The following THADA variants were observed in gnomAD, a reference collection of about 807,000 sequenced individuals.
The protein encoded by THADA is THADA armadillo repeat containing.
A neutral mutation model predicts 219.8 loss-of-function variants in THADA; 213 were observed. That is an observed-to-expected ratio of 0.97 (90% CI 0.87 to 1.09). The LOEUF (loss-of-function observed/expected upper bound fraction) is 1.09, where lower values mean the gene tolerates loss of function less well. Among genes scored for constraint, THADA ranks in the 50% least tolerant of loss-of-function variants. The probability of loss-of-function intolerance (pLI) is 0.00; values close to 1 mark genes in which losing one functional copy is unlikely to be tolerated. For synonymous variants in THADA, 1,018 were observed against 828.9 expected (o/e 1.23, Z -3.92); for missense variants, 2,956 against 2,311.3 (o/e 1.28, Z -5.72).
At chr2:43,569,394 C>G (rs781439600) in intron 14 of THADA, among the ~76,000 whole-genome samples, 1 of 152,148 alleles carries the variant, frequency 6.6e-6, no homozygotes, top group Non-Finnish European at 1.5e-5. Flanking sequence ...TCATTTAATC[C>G]TCAAATCAAT....
At chr2:43,463,410 G>A (rs761100722) in intron 26 of THADA, among the ~76,000 whole-genome samples, 1 of 152,118 alleles carries the variant, frequency 6.6e-6, no homozygotes, top group African/African-American at 2.4e-5. Flanking sequence ...TTCAACTACC[G>A]TATTTATATA....
intron 29 of THADA, among the ~76,000 whole-genome samples, chr2:43,378,701 G>T (rs899599500): frequency 1.3e-5 from 2 of 152,162 alleles, no homozygotes; most frequent in African/African-American, 4.8e-5. Context: ...CACTTCCAGG[G>T]TTCAAGCGAT....
At chr2:43,243,367 T>A (rs967580191) in intron 36 of THADA, among the ~76,000 whole-genome samples, 11 of 152,186 alleles carry the variant, frequency 7.2e-5, no homozygotes, top group African/African-American at 2.7e-4. Flanking sequence ...GGGCTAGAGA[T>A]GCTACTCAAC....
chr2:43,475,885 C>T (rs1685473132), intron 26 of THADA, among the ~76,000 whole-genome samples: 1 of 152,308 alleles, frequency 6.6e-6, no homozygotes, highest in East Asian at 1.9e-4. Context: ...CATACATAGT[C>T]TTAAGTCACT....
At chr2:43,261,474 C>T (rs1274291895) in intron 36 of THADA, among the ~76,000 whole-genome samples, 2 of 150,860 alleles carry the variant, frequency 1.3e-5, no homozygotes, top group Non-Finnish European at 3.0e-5. Flanking sequence ...CTTGCTCTGT[C>T]GCCCAGGCTG....
chr2:43,253,867 T>C (rs148496117), intron 36 of THADA, among the ~76,000 whole-genome samples: 1 of 152,304 alleles, frequency 6.6e-6, no homozygotes, highest in East Asian at 1.9e-4. Context: ...ATGTAAATGA[T>C]ATCCAGGTTC....
intron 20 of THADA, among the ~76,000 whole-genome samples, chr2:43,542,489 TG>T (rs1695455147): frequency 6.6e-6 from 1 of 152,204 alleles, no homozygotes; most frequent in African/African-American, 2.4e-5. Context: ...ATGTAGAATA[TG>T]TAATACATCA....
At chr2:43,539,074 G>A (rs1694969063) in intron 21 of THADA, among the ~76,000 whole-genome samples, 1 of 152,226 alleles carries the variant, frequency 6.6e-6, no homozygotes, top group African/African-American at 2.4e-5. Context: ...TGAGAGAAAA[G>A]TAGATCACAG....
chr2:43,569,141 G>C (rs1699018061), intron 14 of THADA, among the ~76,000 whole-genome samples: 2 of 151,844 alleles, frequency 1.3e-5, no homozygotes, highest in South Asian at 4.2e-4. Flanking sequence ...CCGTCTCAGG[G>C]TTGCCTTTTT....
chr2:43,272,885 G>A (rs537028016), intron 36 of THADA, among the ~76,000 whole-genome samples: 55 of 151,928 alleles, frequency 3.6e-4, no homozygotes, highest in African/African-American at 5.3e-4. Context: ...CCCGGCCTCC[G>A]AAAGTGCTGG....
intron 26 of THADA, among the ~76,000 whole-genome samples, chr2:43,445,977 A>C (rs1183996510): frequency 6.6e-6 from 1 of 152,162 alleles, no homozygotes; most frequent in Non-Finnish European, 1.5e-5. Flanking sequence ...GAGCCCTGCC[A>C]CGCCCCCTGT....
At position 43,489,220 on chromosome 2, in the gene THADA, G is replaced by A. The variant is rs564200893; in HGVS notation, c.3745-3895C>T. ...TTCTAAGACAGCTTCTTGCTCTGTC[G>A]CCCAGGATGGAGTGCAGTGGTGTAA... On this transcript the variant is annotated intron_variant, in intron 25 of 37. Coordinates refer to ENST00000405975, the MANE Select transcript of THADA (RefSeq NM_022065.5). Among the ~76,000 whole-genome samples the A allele has an allele frequency of 9.0e-4, 137 of 151,938 alleles. 1 individual carries two copies. Among genetic ancestry groups the A allele is most frequent in the African/African-American group, 3.0e-3 (126 of 41,418 alleles).
intron 28 of THADA, among the ~76,000 whole-genome samples, chr2:43,422,149 A>C (rs1677794984): frequency 6.6e-6 from 1 of 152,252 alleles, no homozygotes; most frequent in South Asian, 2.1e-4. Context: ...CAAACTCAGT[A>C]TTATGGAAAT....
At chr2:43,549,179 T>G (rs1696450756) in intron 20 of THADA, 31 bp downstream of exon 20, 1 of 1,498,430 alleles carries the variant, frequency 6.7e-7, no homozygotes. Flanking sequence ...TACTTAAACA[T>G]GAATTACAGT....
At chr2:43,293,429 C>A (rs975368768) in intron 31 of THADA, among the ~76,000 whole-genome samples, 1 of 152,096 alleles carries the variant, frequency 6.6e-6, no homozygotes, top group Non-Finnish European at 1.5e-5. Flanking sequence ...CCAACAGGGG[C>A]ACAAAGGCAT....
chr2:43,595,472 G>A (rs901698841), intron 1 of THADA, among the ~76,000 whole-genome samples: 2 of 152,220 alleles, frequency 1.3e-5, no homozygotes. Flanking sequence ...TTTGCAGGAG[G>A]ATTTGCTCTT....
At position 43,480,525 on chromosome 2, in the gene THADA, T is replaced by A. The variant is rs72865227; in HGVS notation, c.3836+4709A>T. On this transcript the variant is annotated intron_variant, in intron 26 of 37. Transcript: ENST00000405975. ...AATTAGAACTGTTTGGGTTTGAGGA[T>A]GTTAATATTACCCTGGCCGCTCACG... Among the ~76,000 whole-genome samples, 1,068 of 152,126 alleles carry A rather than the reference T, an allele frequency of 7.0e-3. 16 individuals are homozygous for A. The highest frequency in any genetic ancestry group is 0.025 in the African/African-American group (1,019 of 41,494).
At chr2:43,467,521 C>A (rs933647182) in intron 26 of THADA, among the ~76,000 whole-genome samples, 1 of 152,198 alleles carries the variant, frequency 6.6e-6, no homozygotes, top group African/African-American at 2.4e-5. Flanking sequence ...CCTACCCACA[C>A]AGCAAATATT....
intron 36 of THADA, among the ~76,000 whole-genome samples, chr2:43,250,701 AAAAAT>A (rs59292030): frequency 1.3e-5 from 2 of 152,094 alleles, no homozygotes; most frequent in South Asian, 2.1e-4. Context: ...GTTTCTCTAT[AAAAAT>A]AAAATAAAAT....
Sources: allele counts gnomAD v4.1 joint callset (sites outside exome capture counted in the v4.1 genomes callset), GRCh38; gene constraint gnomAD v4.1.1; transcripts MANE v1.5; gene names NCBI Gene and HGNC (gene_info 2026-07-23, HGNC 2026-07-21).